Variants in DLGAP2 observed in about 807,000 individuals in gnomAD.
The protein encoded by DLGAP2 is disks large-associated protein 2.
DLGAP2 carries 26 observed loss-of-function variants against 100.3 expected under a neutral mutation model. The observed-to-expected ratio is 0.26, with a 90% CI of 0.19 to 0.36. The LOEUF is 0.36. Ranked by LOEUF, DLGAP2 falls within the 10% of genes least tolerant of loss-of-function variation. The pLI is 1.00. For missense variants in DLGAP2, 1,858 were observed against 1,453.2 expected, an observed-to-expected ratio of 1.28 and a Z score of -4.53; for synonymous variants, 886 against 630.1, an observed-to-expected ratio of 1.41 and a Z score of -6.08.
chr8:1,458,878 G>T (rs1798393371), intron 3 of DLGAP2, among the ~76,000 whole-genome samples: 1 of 152,194 alleles, frequency 6.6e-6, no homozygotes, highest in Non-Finnish European at 1.5e-5. Flanking sequence ...ATGGGGCTCT[G>T]TAGGCTGTGC....
intron 1 of DLGAP2, among the ~76,000 whole-genome samples, chr8:842,720 AT>A (rs1394386668): frequency 6.6e-6 from 1 of 151,790 alleles, no homozygotes; most frequent in Non-Finnish European, 1.5e-5. Context: ...TTGCAACTTC[AT>A]TTTTTGGGGA....
intron 3 of DLGAP2, among the ~76,000 whole-genome samples, chr8:1,359,595 G>C (rs1259582241): frequency 6.6e-6 from 1 of 152,246 alleles, no homozygotes; most frequent in African/African-American, 2.4e-5. Context: ...GTGTGCTGTG[G>C]AGTCCCTGGT....
At chr8:786,847 G>C (rs543415084) in intron 1 of DLGAP2, among the ~76,000 whole-genome samples, 1 of 151,854 alleles carries the variant, frequency 6.6e-6, no homozygotes, top group East Asian at 1.9e-4. Flanking sequence ...ACCTGTGAAC[G>C]TGGCTTCTTG....
chr8:1,682,828 AT>A (rs1209273867), intron 12 of DLGAP2, among the ~76,000 whole-genome samples: 1 of 151,476 alleles, frequency 6.6e-6, no homozygotes, highest in Admixed American at 6.6e-5. Context: ...CTGAAAAACT[AT>A]TTTTCTTCAG....
intron 3 of DLGAP2, among the ~76,000 whole-genome samples, chr8:1,288,649 G>C (rs951487879): frequency 1.4e-5 from 2 of 140,340 alleles, no homozygotes; most frequent in Non-Finnish European, 3.1e-5. Context: ...GTGTGTGTAC[G>C]TAGTTAGGAG....
chr8:1,465,687 C>T (rs1010187600), intron 3 of DLGAP2, among the ~76,000 whole-genome samples: 4 of 152,232 alleles, frequency 2.6e-5, no homozygotes, highest in African/African-American at 9.6e-5. Flanking sequence ...GTGACTGAGG[C>T]TCAGACAGCC....
intron 2 of DLGAP2, among the ~76,000 whole-genome samples, chr8:1,090,877 C>G (rs1260889391): frequency 6.6e-6 from 1 of 152,192 alleles, no homozygotes; most frequent in Non-Finnish European, 1.5e-5. Flanking sequence ...ACATGAAAAT[C>G]ATTTTCTATA....
In DLGAP2 at chr8:764,674, T is replaced by C. The variant is rs1037818069; in HGVS notation, c.18+26849T>C. 3.3e-5 allele frequency among the ~76,000 whole-genome samples: 5 copies of C among 152,184 alleles called. No individual in the cohort carries two copies. The South Asian group carries it at 1.0e-3, about 32-fold the overall frequency. On this transcript the variant is annotated intron_variant, in intron 1 of 14. Coordinates refer to ENST00000637795, the MANE Select transcript of DLGAP2 (RefSeq NM_001346810.2). ...TTAGATACATCAGTAACCTCTACCGTAAGTACCATAAAACTGGCCCCATCA... is the reference window on the plus strand; with the variant it reads ...TTAGATACATCAGTAACCTCTACCGCAAGTACCATAAAACTGGCCCCATCA...
At chr8:1,142,476 G>C (rs573089861) in intron 2 of DLGAP2, among the ~76,000 whole-genome samples, 1 of 152,274 alleles carries the variant, frequency 6.6e-6, no homozygotes, top group East Asian at 1.9e-4. Context: ...TTATGGCTTC[G>C]ATAGATATTT....
At chr8:1,486,810 G>A (rs1799246899) in intron 3 of DLGAP2, among the ~76,000 whole-genome samples, 1 of 152,230 alleles carries the variant, frequency 6.6e-6, no homozygotes, top group African/African-American at 2.4e-5. Flanking sequence ...TCACAAACAA[G>A]TAGTAAAACA....
At chr8:1,627,164 T>C (rs1797527342) in intron 7 of DLGAP2, among the ~76,000 whole-genome samples, 1 of 152,270 alleles carries the variant, frequency 6.6e-6, no homozygotes, top group Non-Finnish European at 1.5e-5. Flanking sequence ...CCTCTCTTGT[T>C]GATAAAGCAC....
At chr8:1,671,127 G>T (rs1798680407) in intron 10 of DLGAP2, among the ~76,000 whole-genome samples, 1 of 152,244 alleles carries the variant, frequency 6.6e-6, no homozygotes, top group African/African-American at 2.4e-5. Context: ...AGGGCTCACG[G>T]CCAAGGCCAT....
intron 3 of DLGAP2, among the ~76,000 whole-genome samples, chr8:1,474,855 G>A (rs1041542627): frequency 4.6e-5 from 7 of 152,168 alleles, no homozygotes; most frequent in Admixed American, 1.3e-4. Flanking sequence ...TTGAACTACC[G>A]TTTGACCCCA....
chr8:1,411,555 C>G lies in DLGAP2; in HGVS notation c.107-89811C>G, dbSNP rs989437247. ...TAAACTGTGCCGGTAGAGCCTTGGG[C>G]AGATTAAACGAGGTAACCGAAATGC... On this transcript the variant is annotated intron_variant, in intron 3 of 14. Coordinates refer to ENST00000637795, the MANE Select transcript of DLGAP2 (RefSeq NM_001346810.2). Among the ~76,000 whole-genome samples, 6 of 152,290 alleles carry G rather than the reference C, an allele frequency of 3.9e-5. No individual in the cohort carries two copies. The East Asian group carries it at 1.2e-3, about 29-fold the overall frequency.
At chr8:1,459,162 C>T (rs577361386) in intron 3 of DLGAP2, among the ~76,000 whole-genome samples, 3,128 of 98,402 alleles carry the variant, frequency 0.032, 63 homozygotes, top group Middle Eastern at 0.056. Flanking sequence ...CAGCGTGCGT[C>T]CCAGACAGGA....
chr8:1,482,275 A>G (rs1307905876), intron 3 of DLGAP2, among the ~76,000 whole-genome samples: 1 of 152,150 alleles, frequency 6.6e-6, no homozygotes, highest in African/African-American at 2.4e-5. Flanking sequence ...AAGCCGTTTG[A>G]TCTGCTTCTT....
At chr8:802,014 C>G (rs1184972926) in intron 1 of DLGAP2, among the ~76,000 whole-genome samples, 1 of 148,808 alleles carries the variant, frequency 6.7e-6, no homozygotes, top group Non-Finnish European at 1.5e-5. Context: ...GAGGAACAGT[C>G]CGCACCCCTC....
chr8:1,047,676 C>T (rs1227723693), intron 2 of DLGAP2, among the ~76,000 whole-genome samples: 1 of 152,032 alleles, frequency 6.6e-6, no homozygotes, highest in Non-Finnish European at 1.5e-5. Flanking sequence ...CACTGTGTCC[C>T]ACTGTGTCCC....
At chr8:1,337,565 TGAA>T (rs1461097683) in intron 3 of DLGAP2, among the ~76,000 whole-genome samples, 11 of 152,122 alleles carry the variant, frequency 7.2e-5, no homozygotes, top group African/African-American at 2.2e-4. Flanking sequence ...GTGGTGGTGA[TGAA>T]GAGGAGGAGG....
Sources: allele counts gnomAD v4.1 joint callset (sites outside exome capture counted in the v4.1 genomes callset), GRCh38; gene constraint gnomAD v4.1.1; transcripts MANE v1.5; gene names NCBI Gene and HGNC (gene_info 2026-07-23, HGNC 2026-07-21).